The following ERBB4 variants were observed in gnomAD, a reference collection of about 807,000 sequenced individuals.
ERBB4 encodes erb-b2 receptor tyrosine kinase 4, also known as receptor tyrosine-protein kinase erbB-4.
ERBB4 carries 42 observed loss-of-function variants against 158.0 expected under a neutral mutation model. That is an observed-to-expected ratio of 0.27 (90% CI 0.21 to 0.34). The LOEUF is 0.34. Ranked by LOEUF, ERBB4 falls within the 10% of genes least tolerant of loss-of-function variation. The probability of loss-of-function intolerance (pLI) is 1.00; values close to 1 mark genes in which losing one functional copy is unlikely to be tolerated. For synonymous variants in ERBB4, 583 were observed against 558.7 expected, an observed-to-expected ratio of 1.04 and a Z score of -0.61; for missense variants, 1,333 against 1,624.1, an observed-to-expected ratio of 0.82 and a Z score of 3.08.
intron 3 of ERBB4, among the ~76,000 whole-genome samples, chr2:211,821,635 C>T (rs1292861785): frequency 6.6e-6 from 1 of 151,944 alleles, no homozygotes; most frequent in African/African-American, 2.4e-5. Context: ...ACCAAAACAG[C>T]ATGGTACTGA....
intron 1 of ERBB4, among the ~76,000 whole-genome samples, chr2:212,537,395 ACT>A (rs1693147350): frequency 6.6e-6 from 1 of 151,206 alleles, no homozygotes; most frequent in African/African-American, 2.4e-5. Context: ...TCCCCAGGAA[ACT>A]CTAGTGTCAG....
chr2:211,925,669 C>G (rs539829560), intron 3 of ERBB4, among the ~76,000 whole-genome samples: 3 of 152,092 alleles, frequency 2.0e-5, no homozygotes, highest in African/African-American at 7.2e-5. Context: ...CATGAGCCAC[C>G]ACGCCCAGCT....
At chr2:212,385,727 A>G (rs1388883698) in intron 1 of ERBB4, among the ~76,000 whole-genome samples, 4 of 151,844 alleles carry the variant, frequency 2.6e-5, no homozygotes, top group Admixed American at 6.6e-5. Context: ...CAAAAAACCT[A>G]TAATATTCAT....
At chr2:212,339,492 G>C (rs2088601866) in intron 1 of ERBB4, among the ~76,000 whole-genome samples, 1 of 152,096 alleles carries the variant, frequency 6.6e-6, no homozygotes, top group Non-Finnish European at 1.5e-5. Flanking sequence ...TCAGGTTCAA[G>C]TGGTGTACAC....
intron 5 of ERBB4, among the ~76,000 whole-genome samples, chr2:211,741,178 T>C (rs889328578): frequency 1.3e-5 from 2 of 152,124 alleles, no homozygotes; most frequent in South Asian, 2.1e-4. Flanking sequence ...TAGTCAAATA[T>C]AGTTACTCTA....
chr2:212,398,712 C>T (rs192713100), intron 1 of ERBB4, among the ~76,000 whole-genome samples: 2 of 152,166 alleles, frequency 1.3e-5, no homozygotes, highest in African/African-American at 4.8e-5. Context: ...GATAATTTTA[C>T]ATGCCTCTAC....
intron 4 of ERBB4, among the ~76,000 whole-genome samples, chr2:211,754,400 A>G (rs1049248415): frequency 2.3e-5 from 3 of 130,370 alleles, no homozygotes; most frequent in Non-Finnish European, 3.3e-5. Context: ...GATTATTGCA[A>G]TAATCCCTTT....
intron 1 of ERBB4, among the ~76,000 whole-genome samples, chr2:212,486,941 T>C (rs781610354): frequency 2.0e-5 from 3 of 152,166 alleles, no homozygotes; most frequent in East Asian, 3.8e-4. Flanking sequence ...AAAAATAACA[T>C]TTTAAAACAC....
intron 16 of ERBB4, among the ~76,000 whole-genome samples, chr2:211,640,414 C>CATCT (rs576331828): frequency 2.6e-4 from 39 of 152,220 alleles, no homozygotes; most frequent in African/African-American, 9.4e-4. Flanking sequence ...GATTTTTGGA[C>CATCT]ATCTATCTAG....
At chr2:212,302,596 CCTT>C (rs1437191916) in intron 1 of ERBB4, among the ~76,000 whole-genome samples, 4 of 151,410 alleles carry the variant, frequency 2.6e-5, no homozygotes, top group African/African-American at 4.8e-5. Flanking sequence ...TAAGCAATCA[CCTT>C]CTCTATTTTT....
intron 20 of ERBB4, among the ~76,000 whole-genome samples, chr2:211,504,829 T>C (rs2065705224): frequency 2.0e-5 from 3 of 152,086 alleles, no homozygotes; most frequent in Non-Finnish European, 4.4e-5. Context: ...GCTTCAACAA[T>C]AGATGAGACA....
chr2:212,002,813 C>T (rs1456012344), intron 2 of ERBB4, among the ~76,000 whole-genome samples: 1 of 151,954 alleles, frequency 6.6e-6, no homozygotes, highest in Non-Finnish European at 1.5e-5. Flanking sequence ...AATCCCAGCA[C>T]TTTGGGAGGC....
At chr2:211,515,977 T>C (rs2371281) in intron 20 of ERBB4, among the ~76,000 whole-genome samples, 43,002 of 137,848 alleles carry the variant, frequency 0.31, 8,024 homozygotes, top group African/African-American at 0.53. Flanking sequence ...TGCAGTGGCC[T>C]GATCTCGACT....
intron 1 of ERBB4, among the ~76,000 whole-genome samples, chr2:212,506,380 G>A (rs1691197597): frequency 8.0e-6 from 1 of 124,830 alleles, no homozygotes; most frequent in African/African-American, 2.5e-5. Context: ...TCAAAAGCTA[G>A]AAATGATTAA....
intron 1 of ERBB4, among the ~76,000 whole-genome samples, chr2:212,153,632 G>GT (rs1559609264): frequency 1.3e-5 from 2 of 152,038 alleles, no homozygotes; most frequent in Admixed American, 1.3e-4. Flanking sequence ...AAGTAATTGC[G>GT]TTTTTTGTCA....
At chr2:212,130,046 T>C (rs2080064417) in intron 1 of ERBB4, among the ~76,000 whole-genome samples, 1 of 152,110 alleles carries the variant, frequency 6.6e-6, no homozygotes. Context: ...GATTTTACAA[T>C]CAAGCAATGT....
intron 1 of ERBB4, among the ~76,000 whole-genome samples, chr2:212,419,353 GA>G (rs2105899995): frequency 6.6e-6 from 1 of 151,942 alleles, no homozygotes; most frequent in East Asian, 1.9e-4. Flanking sequence ...TATTAAATAG[GA>G]AAATTTGCAG....
intron 3 of ERBB4, among the ~76,000 whole-genome samples, chr2:211,806,994 C>T (rs1033904335): frequency 9.9e-5 from 15 of 151,702 alleles, no homozygotes; most frequent in Non-Finnish European, 2.1e-4. Flanking sequence ...ACAACAAAAA[C>T]GTCAAGATTG....
intron 3 of ERBB4, among the ~76,000 whole-genome samples, chr2:211,833,714 A>G (rs1365056221): frequency 6.6e-6 from 1 of 151,932 alleles, no homozygotes; most frequent in African/African-American, 2.4e-5. Context: ...TGATTAGCAT[A>G]ATTGTTCAAG....
Sources: allele counts gnomAD v4.1 joint callset (sites outside exome capture counted in the v4.1 genomes callset), GRCh38; gene constraint gnomAD v4.1.1; transcripts MANE v1.5; gene names NCBI Gene and HGNC (gene_info 2026-07-23, HGNC 2026-07-21).